The following HERC2 variants were observed in gnomAD, a reference collection of about 807,000 sequenced individuals.
The protein encoded by HERC2 is HECT and RLD domain containing E3 ubiquitin protein ligase 2.
HERC2 carries 102 observed loss-of-function variants against 537.7 expected under a neutral mutation model. That is an observed-to-expected ratio of 0.19 (90% CI 0.16 to 0.22). HERC2 has a LOEUF of 0.22. Among genes scored for constraint, HERC2 ranks in the 10% least tolerant of loss-of-function variants. The pLI is 1.00. For missense variants in HERC2, 4,236 were observed against 6,198.2 expected (o/e 0.68, Z 10.63); for synonymous variants, 2,224 against 2,466.2 (o/e 0.90, Z 2.91).
chr15:28,318,891 C>T (rs1184544549), intron 2 of HERC2, among the ~76,000 whole-genome samples: 6 of 150,550 alleles, frequency 4.0e-5, no homozygotes, highest in Admixed American at 2.0e-4. Flanking sequence ...GAAAACAGAT[C>T]GGTTAAATCC....
chr15:28,187,553 G>A (rs1385599424), intron 55 of HERC2, among the ~76,000 whole-genome samples: 1 of 152,066 alleles, frequency 6.6e-6, no homozygotes, highest in South Asian at 2.1e-4. Flanking sequence ...GGCTGGTCTT[G>A]AACTTCTGAC....
chr15:28,263,298 A>G, intron 14 of HERC2, 129 bp from the exon 15 acceptor site: 1 of 999,732 alleles, frequency 1.0e-6, no homozygotes, highest in Non-Finnish European at 1.5e-6. Flanking sequence ...TAACACTACA[A>G]GGGTGGCTAC....
At chr15:28,259,393 C>T (rs577861446) in intron 16 of HERC2, among the ~76,000 whole-genome samples, 2 of 152,020 alleles carry the variant, frequency 1.3e-5, no homozygotes, top group East Asian at 3.9e-4. Context: ...CTGTGTCTGG[C>T]GTAAAATCTT....
chr15:28,274,255 G>A, intron 7 of HERC2, 36 bp downstream of exon 7: 1 of 1,609,770 alleles, frequency 6.2e-7, no homozygotes, highest in South Asian at 1.1e-5. Context: ...CAGGCCAGCT[G>A]TCTGCGTGCA....
chr15:28,223,944 A>G (rs1217227673), intron 35 of HERC2, among the ~76,000 whole-genome samples: 1 of 152,052 alleles, frequency 6.6e-6, no homozygotes, highest in Non-Finnish European at 1.5e-5. Flanking sequence ...CTCTGGGAAA[A>G]AAGTAGACAA....
chr15:28,289,909 CTACACACCTCAGTGAGAGGAT>C (rs2076266760), intron 4 of HERC2, among the ~76,000 whole-genome samples: 1 of 151,850 alleles, frequency 6.6e-6, no homozygotes, highest in Admixed American at 6.6e-5. Context: ...AGTGAGAGGA[CTACACACCTCAGTGAGAGGAT>C]TACACACCTA....
intron 2 of HERC2, among the ~76,000 whole-genome samples, chr15:28,303,839 T>C (rs1053845637): frequency 6.6e-6 from 1 of 152,218 alleles, no homozygotes; most frequent in Non-Finnish European, 1.5e-5. Flanking sequence ...TTTTTCTTGA[T>C]TTTTCATATT....
At chr15:28,131,932 C>T (rs1341370572) in intron 81 of HERC2, among the ~76,000 whole-genome samples, 168 bp downstream of exon 81, 5 of 152,202 alleles carry the variant, frequency 3.3e-5, no homozygotes, top group Non-Finnish European at 7.4e-5. Flanking sequence ...TAGCCAATTA[C>T]CCATTATATT....
chr15:28,277,232 G>A, intron 5 of HERC2, among the ~76,000 whole-genome samples: 1 of 152,148 alleles, frequency 6.6e-6, no homozygotes, highest in South Asian at 2.1e-4. Flanking sequence ...TGTACCAATT[G>A]CAGTGGTGGT....
chr15:28,299,489 C>A lies in HERC2; in HGVS notation c.100G>T (p.Gly34Cys), dbSNP rs758785377. Residue 34 changes from glycine to cysteine, a missense_variant, in exon 3 of 93, where the codon GGT (glycine) becomes TGT (cysteine). By Grantham distance (159) the Gly-to-Cys change is radical (BLOSUM62 -3). Around this residue, in one of 27 missense-constraint regions of HERC2, gnomAD observed 13 missense variants for 43.1 expected, o/e 0.30. Transcript: ENST00000261609. Reference sequence around the variant, plus strand: ...TCTTTAACCATTTCATTCCACAGACCACAGAGCCCATCTCTTGTGAATGCA... The same window carrying A: ...TCTTTAACCATTTCATTCCACAGACAACAGAGCCCATCTCTTGTGAATGCA... ...QLAFTRDGLCGLWNEMVKDGE... is the reference protein window; with the variant it reads ...QLAFTRDGLCCLWNEMVKDGE... 1 of 1,526,888 alleles carries A rather than the reference C, an allele frequency of 6.5e-7. No individual in the cohort carries two copies. 94.6% of individuals were successfully genotyped at this position (1,526,888 alleles called of 1,614,324 possible). A position where few individuals can be genotyped will look rare whatever the true frequency, so the allele number is the denominator to read the frequency against.
At chr15:28,317,255 T>A (rs2077113315) in intron 2 of HERC2, among the ~76,000 whole-genome samples, 1 of 152,104 alleles carries the variant, frequency 6.6e-6, no homozygotes, top group African/African-American at 2.4e-5. Context: ...CACGCCTGAC[T>A]CTTTTGTATT....
Position 28,270,786 on chromosome 15 carries a change from A to T in HERC2, c.1166T>A (p.Leu389Gln), listed in dbSNP as rs771262393. 9 of 1,613,854 alleles carry T rather than the reference A, an allele frequency of 5.6e-6. No individual in the cohort carries two copies. The highest frequency in any genetic ancestry group is 6.8e-6 in the Non-Finnish European group (8 of 1,179,860). The change falls in exon 10 of 93, where the codon CTG becomes CAG. Residue 389 changes from leucine to glutamine, a missense_variant. Coordinates refer to ENST00000261609, the MANE Select transcript of HERC2 (RefSeq NM_004667.6). ...CATGACAACAACCGCCGTTTGTCGCAGATCAATGGCAAGCTCGTTGTCTTG... is the reference window on the plus strand; with the variant it reads ...CATGACAACAACCGCCGTTTGTCGCTGATCAATGGCAAGCTCGTTGTCTTG... ...LPQDNELAID[L>Q]RQTAVVVMAH...
chr15:28,196,738 T>G (rs1317351548), intron 50 of HERC2, among the ~76,000 whole-genome samples, 169 bp from the exon 51 acceptor site: 3 of 152,246 alleles, frequency 2.0e-5, no homozygotes, highest in Non-Finnish European at 4.4e-5. Context: ...TAATACATGA[T>G]GTCAGCGCCT....
chr15:28,259,254 T>A (rs75482451), intron 16 of HERC2, among the ~76,000 whole-genome samples: 1,532 of 152,044 alleles, frequency 0.01, 30 homozygotes, highest in African/African-American at 0.036. Context: ...ATCACCAAGC[T>A]CGACGAAATT....
At chr15:28,292,099 G>T in intron 4 of HERC2, among the ~76,000 whole-genome samples, 1 of 150,042 alleles carries the variant, frequency 6.7e-6, no homozygotes, top group East Asian at 2.0e-4. Flanking sequence ...CATGGTGGCG[G>T]ACACCTGTAA....
At chr15:28,194,364 A>T (rs1054044558) in intron 52 of HERC2, among the ~76,000 whole-genome samples, 1 of 142,866 alleles carries the variant, frequency 7.0e-6, no homozygotes, top group Non-Finnish European at 1.5e-5. Context: ...AGGTCAGGAG[A>T]TCGAGACCAT....
chr15:28,313,538 A>G (rs1454387512), intron 2 of HERC2, among the ~76,000 whole-genome samples: 3 of 152,204 alleles, frequency 2.0e-5, no homozygotes, highest in Non-Finnish European at 4.4e-5. Context: ...TGAATAATAT[A>G]ACAAATGAAT....
chr15:28,166,487 A>G (rs1227008134), intron 68 of HERC2, among the ~76,000 whole-genome samples: 1 of 152,342 alleles, frequency 6.6e-6, no homozygotes, highest in East Asian at 1.9e-4. Context: ...AAAGACACTC[A>G]GTAACAATTA....
intron 12 of HERC2, among the ~76,000 whole-genome samples, chr15:28,267,140 G>T (rs1185391682): frequency 6.6e-6 from 1 of 152,144 alleles, no homozygotes; most frequent in Non-Finnish European, 1.5e-5. Context: ...ATCTACAGAA[G>T]CCAGGCCTCT....
Sources: gnomAD v4.1 joint callset for allele counts (sites outside exome capture counted in the v4.1 genomes callset) on GRCh38, gnomAD v4.1.1 for gene constraint, gnomAD v4.1.1 regional missense constraint, MANE v1.5 for transcripts, NCBI Gene and HGNC (gene_info 2026-07-23, HGNC 2026-07-21) for gene names.